Variants in ANK3 observed in about 807,000 individuals in gnomAD.
ANK3 encodes ankyrin 3, also known as ankyrin-3.
Under a neutral mutation model 370.9 loss-of-function variants are expected in ANK3, and 57 were observed. The observed-to-expected ratio is 0.15, with a 90% confidence interval of 0.12 to 0.19. The LOEUF is 0.19. ANK3 is among the 10% of genes least tolerant of loss of function. The pLI is 1.00. For missense variants in ANK3, 4,439 were observed against 5,302.1 expected, an observed-to-expected ratio of 0.84 and a Z score of 5.06; for synonymous variants, 1,929 against 1,946.3, an observed-to-expected ratio of 0.99 and a Z score of 0.23.
upstream of ANK3, among the ~76,000 whole-genome samples, chr10:60,391,796 A>G (rs1301845753): frequency 2.6e-5 from 4 of 152,234 alleles, no homozygotes; most frequent in Admixed American, 6.5e-5. Context: ...ATTTTTCAAC[A>G]TACTTCTCTC....
chr10:60,086,051 T>C (rs2086621154), intron 30 of ANK3, among the ~76,000 whole-genome samples: 1 of 152,026 alleles, frequency 6.6e-6, no homozygotes, highest in Non-Finnish European at 1.5e-5. Flanking sequence ...CAAAAGAAGA[T>C]CAAAAACAAA....
intron 10 of ANK3, among the ~76,000 whole-genome samples, chr10:60,207,530 G>A (rs1565680815): frequency 1.3e-5 from 2 of 152,126 alleles, no homozygotes; most frequent in Non-Finnish European, 2.9e-5. Context: ...ACAAATTAAA[G>A]TGAAGCCTAT....
In ANK3 at chr10:60,051,495, G is replaced by A. The variant is rs2077984070; in HGVS notation, c.13065+4163C>T. ...GATACCTTTATAATCAAACGCCGGC[G>A]AATAACTCGGGTAGTGACTCTCCGC... On this transcript the variant is annotated intron_variant, in intron 42 of 43. Transcript: ENST00000280772. 8.1e-6 allele frequency: 8 copies of A among 985,174 alleles called. No homozygotes were observed. The South Asian group carries it at 1.4e-4, about 17-fold the overall frequency. The allele number at this position is 985,174 out of a possible 1,614,324, so 61.0% of individuals were successfully genotyped here. A position where few individuals can be genotyped will look rare whatever the true frequency, so the allele number is the denominator to read the frequency against.
chr10:60,413,913 C>G (rs1406638879), intron 2 of ANK3, among the ~76,000 whole-genome samples: 1 of 152,146 alleles, frequency 6.6e-6, no homozygotes, highest in African/African-American at 2.4e-5. Context: ...GAGAGGATCA[C>G]TTGAGCCTAG....
At chr10:60,479,011 G>C (rs187114234) in intron 2 of ANK3, among the ~76,000 whole-genome samples, 1 of 152,008 alleles carries the variant, frequency 6.6e-6, no homozygotes, top group Non-Finnish European at 1.5e-5. Context: ...CCCAAACCAC[G>C]ATCTCATCTT....
chr10:60,308,295 C>CTTT lies in ANK3; in HGVS notation c.115-28659_115-28657dup, dbSNP rs66593889. ...ACCCTTGACTTTGGAGGGAATCTGGCTTTTTTTTTTTTTTTTTTTTTTGAG... is the reference window on the plus strand; with the variant it reads ...ACCCTTGACTTTGGAGGGAATCTGGCTTTTTTTTTTTTTTTTTTTTTTTTTGAG... On this transcript the variant is annotated intron_variant, in intron 1 of 43. Transcript: ENST00000280772. Among the ~76,000 whole-genome samples the CTTT allele has an allele frequency of 2.0e-3, 166 of 84,072 alleles. 1 individual carries two copies. The highest frequency in any genetic ancestry group is 3.6e-3 in the East Asian group (9 of 2,526). 55.2% of individuals were successfully genotyped at this position (84,072 alleles called of 152,430 possible). A position where few individuals can be genotyped will look rare whatever the true frequency, so the allele number is the denominator to read the frequency against.
chr10:60,326,397 T>A (rs1404149635), intron 1 of ANK3, among the ~76,000 whole-genome samples: 1 of 152,204 alleles, frequency 6.6e-6, no homozygotes, highest in Non-Finnish European at 1.5e-5. Context: ...GAAGTTCTGA[T>A]GATTGCCTCT....
chr10:60,314,900 G>T (rs1566511198), intron 1 of ANK3, among the ~76,000 whole-genome samples: 1 of 152,206 alleles, frequency 6.6e-6, no homozygotes, highest in Non-Finnish European at 1.5e-5. Context: ...AAACGCTTGT[G>T]TTCTGGATCT....
chr10:60,577,531 G>A (rs1283276400), intron 2 of ANK3, among the ~76,000 whole-genome samples: 2 of 151,918 alleles, frequency 1.3e-5, no homozygotes, highest in Admixed American at 1.3e-4. Flanking sequence ...TTTTATAAAC[G>A]GGAGTTTCCC....
At chr10:60,235,550 G>GTTTTTTTTTTTTTTTTTTTTTTTTTTT (rs72388493) in intron 7 of ANK3, among the ~76,000 whole-genome samples, 4 of 115,054 alleles carry the variant, frequency 3.5e-5, no homozygotes, top group Non-Finnish European at 5.2e-5. Context: ...CTGATTTCTT[G>GTTTTTTTTTTTTTTTTTTTTTTTTTTT]TTTTTTTTTT....
In ANK3 at chr10:60,670,774, T is replaced by C. The variant is rs113055578; in HGVS notation, c.58-55550A>G. 9.8e-4 allele frequency among the ~76,000 whole-genome samples: 150 copies of C among 152,334 alleles called. 1 individual carries two copies. Among genetic ancestry groups the C allele is most frequent in the Middle Eastern group, 6.8e-3 (2 of 294 alleles). ...ATAAAATGCACTCTCTCCCTTGAAATTGAAGAAGGGCATGTGCCTAAGGTC... is the reference window on the plus strand; with the variant it reads ...ATAAAATGCACTCTCTCCCTTGAAACTGAAGAAGGGCATGTGCCTAAGGTC... On this transcript the variant is annotated intron_variant, in intron 1 of 43. Transcript: ENST00000373827.
At chr10:60,040,871 G>A (rs542199914) in intron 43 of ANK3, among the ~76,000 whole-genome samples, 30 of 152,152 alleles carry the variant, frequency 2.0e-4, no homozygotes, top group Middle Eastern at 3.4e-3. Context: ...TTCTACTTTC[G>A]TTTCATTTTT....
chr10:60,363,229 T>A (rs1028983199), intron 1 of ANK3, among the ~76,000 whole-genome samples: 3 of 152,118 alleles, frequency 2.0e-5, no homozygotes. Flanking sequence ...TCTTTCCATC[T>A]TGAATGCAGA....
chr10:60,425,108 G>C (rs75303106), intron 2 of ANK3, among the ~76,000 whole-genome samples: 14,276 of 152,070 alleles, frequency 0.094, 800 homozygotes, highest in South Asian at 0.16. Flanking sequence ...TTTCAGGGTA[G>C]AGAGTGACAA....
chr10:60,542,194 A>G (rs568989513), intron 2 of ANK3, among the ~76,000 whole-genome samples: 140 of 151,816 alleles, frequency 9.2e-4, no homozygotes, highest in Non-Finnish European at 1.8e-3. Flanking sequence ...ATTTGATGGT[A>G]CTTCCAAAAA....
chr10:60,127,898 C>T lies in ANK3; in HGVS notation c.2841+6373G>A, dbSNP rs376186918. ...AGTTTTAGTACAGACGGGGTTTCAC[C>T]GTGTTAGCCAGGATGGTCTCGATCT... On this transcript the variant is annotated intron_variant, in intron 25 of 43. Coordinates refer to ENST00000280772, the MANE Select transcript of ANK3 (RefSeq NM_020987.5). Among the ~76,000 whole-genome samples, 13 of 151,896 alleles carry T rather than the reference C, an allele frequency of 8.6e-5. No individual in the cohort carries two copies. In the South Asian group the frequency reaches 1.7e-3, roughly 19 times the overall value.
At chr10:60,512,013 C>G (rs1033909457) in intron 2 of ANK3, among the ~76,000 whole-genome samples, 6 of 151,972 alleles carry the variant, frequency 3.9e-5, no homozygotes, top group African/African-American at 1.4e-4. Context: ...ACAGAGTGTC[C>G]TTCTTCACTG....
chr10:60,284,000 C>A (rs760945104), intron 1 of ANK3, among the ~76,000 whole-genome samples: 4 of 151,994 alleles, frequency 2.6e-5, no homozygotes, highest in Non-Finnish European at 4.4e-5. Flanking sequence ...TTAGGAACCT[C>A]AGAACATGAC....
At chr10:60,602,802 A>G (rs566935579) in intron 2 of ANK3, among the ~76,000 whole-genome samples, 23 of 152,310 alleles carry the variant, frequency 1.5e-4, no homozygotes, top group African/African-American at 5.3e-4. Flanking sequence ...CATGATATCA[A>G]AAATATACCT....
Sources: allele counts gnomAD v4.1 joint callset (sites outside exome capture counted in the v4.1 genomes callset), GRCh38; gene constraint gnomAD v4.1.1; transcripts MANE v1.5; gene names NCBI Gene and HGNC (gene_info 2026-07-23, HGNC 2026-07-21).